VAX1: variants seen among roughly 807,000 people sequenced by gnomAD.
VAX1 encodes ventral anterior homeobox 1.
Under a neutral mutation model 17.6 loss-of-function variants are expected in VAX1, and 6 were observed. The ratio of observed to expected loss-of-function variants is 0.34; its 90% CI spans 0.19 to 0.67. The LOEUF (loss-of-function observed/expected upper bound fraction) is 0.67. Ranked by LOEUF, VAX1 falls within the 30% of genes least tolerant of loss-of-function variation. The pLI, the probability that VAX1 is intolerant of heterozygous loss-of-function variation, is 0.69. For missense variants in VAX1, 408 were observed against 463.7 expected (o/e 0.88, Z 1.10); for synonymous variants, 256 against 227.4 (o/e 1.13, Z -1.13).
In VAX1 at chr10:117,134,664, G is replaced by A. The variant is rs1169727340; in HGVS notation, c.430-81C>T. On this transcript the variant is annotated intron_variant, in intron 2 of 2. Coordinates refer to ENST00000369206, the MANE Select transcript of VAX1 (RefSeq NM_001112704.2). This position sits in a 1 kb window ranked among gnomAD's most constrained non-coding sequence, Gnocchi z 6.2. ...AAGGAAGCGAGCTCCCGGGGCGCGC[G>A]GCTCCGGGGCTCTCCCCAAGTCCCA... The A allele has an allele frequency of 1.5e-6, 2 of 1,337,880 alleles. No homozygotes were observed. Among genetic ancestry groups the A allele is most frequent in the African/African-American group, 1.5e-5 (1 of 65,232 alleles). 82.9% of individuals were successfully genotyped at this position (1,337,880 alleles called of 1,614,324 possible).
downstream of VAX1, chr10:117,132,379 A>G: frequency 3.1e-6 from 5 of 1,611,084 alleles, no homozygotes; most frequent in South Asian, 5.5e-5. This position sits in a 1 kb window ranked among gnomAD's most constrained non-coding sequence, Gnocchi z 4.9. Flanking sequence ...ATAAATACAA[A>G]ACATCCAAAT....
downstream of VAX1, chr10:117,131,854 A>G (rs1414516909): frequency 4.2e-6 from 1 of 239,824 alleles, no homozygotes; most frequent in Non-Finnish European, 7.9e-6. Context: ...CGAGACTTAT[A>G]TTCTAAGTCA....
At chr10:117,135,970 G>A (rs1223060154) in intron 2 of VAX1, among the ~76,000 whole-genome samples, 1 of 152,232 alleles carries the variant, frequency 6.6e-6, no homozygotes, top group African/African-American at 2.4e-5. Context: ...ATCTCCAGGA[G>A]GGCGTACACC....
chr10:117,137,920 T>G lies in VAX1; in HGVS notation c.137A>C (p.Glu46Ala). 1 of 1,613,776 alleles carries G rather than the reference T, an allele frequency of 6.2e-7. No individual in the cohort carries two copies. The highest frequency in any genetic ancestry group is 8.5e-7 in the Non-Finnish European group (1 of 1,179,950). ...EGNLPAAFLK[E>A]PQGAFSASGA... Reference sequence around the variant, plus strand: ...CGACGCTGAGAAGGCGCCCTGCGGCTCCTTGAGGAAGGCGGCTGGGAGGTT... The same window carrying G: ...CGACGCTGAGAAGGCGCCCTGCGGCGCCTTGAGGAAGGCGGCTGGGAGGTT... Residue 46 changes from glutamate to alanine, a missense_variant, in exon 1 of 3, where the codon GAG (glutamate) becomes GCG (alanine). Transcript: ENST00000369206. This position sits in a 1 kb window ranked among gnomAD's most constrained non-coding sequence, Gnocchi z 7.4.
At chr10:117,132,344 GATATAT>G, downstream of VAX1, 2 of 1,610,540 alleles carry the variant, frequency 1.2e-6, no homozygotes, top group Non-Finnish European at 1.7e-6. This position sits in a 1 kb window ranked among gnomAD's most constrained non-coding sequence, Gnocchi z 4.9. Context: ...TATCATCATA[GATATAT>G]ATATTTCACT....
chr10:117,132,750 C>T (rs1189468559), downstream of VAX1, among the ~76,000 whole-genome samples: 2 of 151,906 alleles, frequency 1.3e-5, no homozygotes, highest in Non-Finnish European at 2.9e-5. The surrounding 1 kb of genome is among the most constrained non-coding windows in gnomAD (Gnocchi z 4.9). Context: ...ACTGGGGAGG[C>T]GAGGGGAGTG....
downstream of VAX1, chr10:117,132,270 TCTTTCTTCC>T (rs779923526): frequency 3.8e-5 from 61 of 1,614,030 alleles, no homozygotes; most frequent in Middle Eastern, 4.9e-4. The surrounding 1 kb of genome is among the most constrained non-coding windows in gnomAD (Gnocchi z 4.9). Context: ...ATTTGCTGGC[TCTTTCTTCC>T]TTTTCTTCTT....
Position 117,136,444 on chromosome 10 carries a change from A to C in VAX1, c.429+28T>G. On this transcript the variant is annotated intron_variant, in intron 2 of 2. Coordinates refer to ENST00000369206, the MANE Select transcript of VAX1 (RefSeq NM_001112704.2). This position sits in a 1 kb window ranked among gnomAD's most constrained non-coding sequence, Gnocchi z 5.0. ...GTGGTGGGGAGGAAGGCTGGTGCAGAACTGTGTGCGGCCTGGTCGCCGGGT... is the reference window on the plus strand; with the variant it reads ...GTGGTGGGGAGGAAGGCTGGTGCAGCACTGTGTGCGGCCTGGTCGCCGGGT... The C allele has an allele frequency of 6.2e-7, 1 of 1,611,082 alleles. No homozygotes were observed. Among genetic ancestry groups the C allele is most frequent in the Non-Finnish European group, 8.5e-7 (1 of 1,179,702 alleles).
In VAX1 at chr10:117,136,761, T is replaced by A. The variant is rs1854187079; in HGVS notation, c.242-102A>T. 1 of 1,413,722 alleles carries A rather than the reference T, an allele frequency of 7.1e-7. No homozygotes were observed. Among genetic ancestry groups the A allele is most frequent in the Non-Finnish European group, 9.5e-7 (1 of 1,053,536 alleles). 87.6% of individuals were successfully genotyped at this position (1,413,722 alleles called of 1,614,324 possible). On this transcript the variant is annotated intron_variant, in intron 1 of 2. Transcript: ENST00000369206. The surrounding 1 kb of genome is among the most constrained non-coding windows in gnomAD (Gnocchi z 5.0). The stretch of plus-strand genomic sequence containing the variant: ...CACAGTCCCCAGAAGCGTGCAGTTT[T>A]GGGGATGGGGGGCGGGGTGCGGAGC...
chr10:117,137,946 C>G lies in VAX1; in HGVS notation c.111G>C (p.Gly37=). ...CCTTGAGGAAGGCGGCTGGGAGGTT[C>G]CCCTCCGCGCCCTTGCTCTCCCGAC... ...KESRESKGAE[G]NLPAAFLKEP... is the part of the protein sequence containing the mutation. Residue 37 remains glycine, a synonymous_variant, in exon 1 of 3, where the codon GGG becomes GGC. Coordinates refer to ENST00000369206, the MANE Select transcript of VAX1 (RefSeq NM_001112704.2). The surrounding 1 kb of genome is among the most constrained non-coding windows in gnomAD (Gnocchi z 7.4). 1 of 1,613,814 alleles carries G rather than the reference C, an allele frequency of 6.2e-7. No individual in the cohort carries two copies. The highest frequency in any genetic ancestry group is 8.5e-7 in the Non-Finnish European group (1 of 1,179,984).
chr10:117,134,310 C>A lies in VAX1; in HGVS notation c.703G>T (p.Gly235Cys). 1 of 1,104,014 alleles carries A rather than the reference C, an allele frequency of 9.1e-7. No individual in the cohort carries two copies. The highest frequency in any genetic ancestry group is 1.1e-6 in the Non-Finnish European group (1 of 907,766). 68.4% of individuals were successfully genotyped at this position (1,104,014 alleles called of 1,614,324 possible). ...TGCGGGGATGCAGCGCCCGCTGGGC[C>A]CGGGGCGGCGGCGGCGGCTGCGGCG... ...SAAAAAAAAP[G>C]PAGAASPHPP... Residue 235 changes from glycine (G) to cysteine (C), a missense_variant, in exon 3 of 3, where the codon GGC (glycine) becomes TGC (cysteine). Coordinates refer to ENST00000369206, the MANE Select transcript of VAX1 (RefSeq NM_001112704.2). The surrounding 1 kb of genome is among the most constrained non-coding windows in gnomAD (Gnocchi z 6.2).
At chr10:117,132,298 T>G, downstream of VAX1, 1 of 1,614,170 alleles carries the variant, frequency 6.2e-7, no homozygotes, top group African/African-American at 1.3e-5. The surrounding 1 kb of genome is among the most constrained non-coding windows in gnomAD (Gnocchi z 4.9). Context: ...TTTTGTTTTT[T>G]TATCCTTCAA....
downstream of VAX1, chr10:117,132,117 C>T: frequency 7.6e-7 from 1 of 1,318,954 alleles, no homozygotes; most frequent in Non-Finnish European, 1.1e-6. The surrounding 1 kb of genome is among the most constrained non-coding windows in gnomAD (Gnocchi z 4.9). Flanking sequence ...TGGAACAAAT[C>T]GTCGTAGCCA....
intron 2 of VAX1, among the ~76,000 whole-genome samples, chr10:117,135,728 C>T (rs867212521): frequency 6.6e-6 from 1 of 152,336 alleles, no homozygotes; most frequent in Middle Eastern, 3.4e-3. Context: ...TCTCCTGGGC[C>T]CAGAGCCCAC....
chr10:117,136,734 G>A lies in VAX1; in HGVS notation c.242-75C>T, dbSNP rs2133662811. 2.0e-6 allele frequency: 3 copies of A among 1,525,492 alleles called. No individual in the cohort carries two copies. The highest frequency in any genetic ancestry group is 1.3e-5 in the South Asian group (1 of 78,518). The allele number at this position is 1,525,492 out of a possible 1,614,324, so 94.5% of individuals were successfully genotyped here. ...CTCCTTGGCCCGAGCTGGATTTGGG[G>A]ACACAGTCCCCAGAAGCGTGCAGTT... On this transcript the variant is annotated intron_variant, in intron 1 of 2. Transcript: ENST00000369206. The surrounding 1 kb of genome is among the most constrained non-coding windows in gnomAD (Gnocchi z 5.0).
chr10:117,129,968 C>T (rs1465722211), downstream of VAX1: 1 of 150,412 alleles, frequency 6.6e-6, no homozygotes, highest in African/African-American at 2.5e-5. Flanking sequence ...GATGTGGGTG[C>T]AAATAGGCTA....
In VAX1 at chr10:117,134,166, A is replaced by G. The variant is rs765435813; in HGVS notation, c.847T>C (p.Ser283Pro). The G allele has an allele frequency of 4.6e-6, 7 of 1,523,692 alleles. No individual in the cohort carries two copies. In the East Asian group the frequency reaches 1.3e-4, roughly 29 times the overall value. 94.4% of individuals were successfully genotyped at this position (1,523,692 alleles called of 1,614,324 possible). A position where few individuals can be genotyped will look rare whatever the true frequency, so the allele number is the denominator to read the frequency against. ...FSLPVPSLLG[S>P]VASRLSSAPL... ...GCGGAGGACAGGCGGCTGGCGACGG[A>G]GCCGAGCAGCGAGGGCACCGGCAGG... is the stretch of plus-strand genomic sequence containing the variant. The change falls in exon 3 of 3, where the codon TCC becomes CCC. Residue 283 changes from serine (S) to proline (P), a missense_variant. By Grantham distance (74) the Ser-to-Pro change is moderately conservative (BLOSUM62 -1). Transcript: ENST00000369206. This position sits in a 1 kb window ranked among gnomAD's most constrained non-coding sequence, Gnocchi z 6.2.
At chr10:117,133,145 T>A (rs1191023221), downstream of VAX1, 1 of 419,214 alleles carries the variant, frequency 2.4e-6, no homozygotes, top group East Asian at 1.6e-4. Flanking sequence ...TTTCCTTTGC[T>A]TTTCCCCCAT....
Position 117,133,927 on chromosome 10 carries a change from CT to C in VAX1, c.*80del. ...GGGAGCCAGGAGCCCAGCGCAGGAGCTCTGGGCACCTAATGCGCGTGAGTCC... is the reference window on the plus strand; with the variant it reads ...GGGAGCCAGGAGCCCAGCGCAGGAGCCTGGGCACCTAATGCGCGTGAGTCC... On this transcript the variant is annotated 3_prime_UTR_variant, in exon 3 of 3. Coordinates refer to ENST00000369206, the MANE Select transcript of VAX1 (RefSeq NM_001112704.2). 1 of 1,439,064 alleles carries C rather than the reference CT, an allele frequency of 6.9e-7. No homozygotes were observed. Among genetic ancestry groups the C allele is most frequent in the Non-Finnish European group, 9.1e-7 (1 of 1,103,478 alleles). 89.1% of individuals were successfully genotyped at this position (1,439,064 alleles called of 1,614,324 possible).
Sources: gnomAD v4.1 joint callset for allele counts (sites outside exome capture counted in the v4.1 genomes callset) on GRCh38, gnomAD v4.1.1 for gene constraint, Gnocchi (gnomAD v3.1) non-coding constraint, MANE v1.5 for transcripts, NCBI Gene and HGNC (gene_info 2026-07-23, HGNC 2026-07-21) for gene names.